Variants in MFHAS1 observed in about 807,000 individuals in gnomAD.
MFHAS1 encodes the protein multifunctional ROCO family signaling regulator 1.
In MFHAS1, 50 loss-of-function variants were observed where a neutral mutation model predicts 70.4. The ratio of observed to expected loss-of-function variants is 0.71; its 90% CI spans 0.57 to 0.90. The LOEUF is 0.90. Among genes scored for constraint, MFHAS1 ranks in the 40% least tolerant of loss-of-function variants. The probability of loss-of-function intolerance (pLI) is 0.00; values close to 1 mark genes in which losing one functional copy is unlikely to be tolerated. For missense variants in MFHAS1, 1,795 were observed against 1,347.6 expected (o/e 1.33, Z -5.20); for synonymous variants, 952 against 620.0 (o/e 1.54, Z -7.96).
At position 8,890,961 on chromosome 8, in the gene MFHAS1, G is replaced by A; in HGVS notation, c.2098C>T (p.Leu700=). The part of the protein sequence containing the change: ...GLQAGLTEDR[L]QSALSYLHES... ...TGCAGGTAGGAGAGGGCACTCTGCA[G>A]TCGGTCCTCGGTCAGACCCGCCTGC... Residue 700 remains leucine, a synonymous_variant, in exon 1 of 3, where the codon CTG becomes TTG. Transcript: ENST00000276282. 6.2e-7 allele frequency: 1 copy of A among 1,613,934 alleles called. No individual in the cohort carries two copies. Among genetic ancestry groups the A allele is most frequent in the Non-Finnish European group, 8.5e-7 (1 of 1,180,002 alleles).
rs1474477127 is a variant in MFHAS1, at chr8:8,891,170, C to T, written c.1889G>A (p.Arg630Lys). The T allele has an allele frequency of 6.2e-7, 1 of 1,613,328 alleles. No individual in the cohort carries two copies. The highest frequency in any genetic ancestry group is 2.2e-5 in the East Asian group (1 of 44,898). Residue 630 changes from arginine to lysine, a missense_variant, in exon 1 of 3, where the codon AGG (arginine) becomes AAG (lysine). Transcript: ENST00000276282. The surrounding 1 kb of genome is among the most constrained non-coding windows in gnomAD (Gnocchi z 5.4). ...ILSPVLPVSCRDPRHLRRLRD... is the reference protein window; with the variant it reads ...ILSPVLPVSCKDPRHLRRLRD... Reference sequence around the variant, plus strand: ...AAGGCGTCGTAAGTGGCGCGGGTCCCTGCAGCTAACAGGCAACACGGGGGA... The same window carrying T: ...AAGGCGTCGTAAGTGGCGCGGGTCCTTGCAGCTAACAGGCAACACGGGGGA...
At chr8:8,794,949 G>A (rs1805841960) in intron 2 of MFHAS1, among the ~76,000 whole-genome samples, 1 of 152,206 alleles carries the variant, frequency 6.6e-6, no homozygotes, top group African/African-American at 2.4e-5. Flanking sequence ...TTCTGCGGCA[G>A]TACAAGAAGC....
chr8:8,884,900 C>T (rs144094022), intron 1 of MFHAS1, among the ~76,000 whole-genome samples: 1 of 152,046 alleles, frequency 6.6e-6, no homozygotes, highest in Non-Finnish European at 1.5e-5. Context: ...CTGCAGTAAG[C>T]CATTATTGCC....
chr8:8,817,151 G>C (rs1224306106), intron 1 of MFHAS1, among the ~76,000 whole-genome samples: 1 of 151,876 alleles, frequency 6.6e-6, no homozygotes, highest in Non-Finnish European at 1.5e-5. Flanking sequence ...TAGCTCCAAA[G>C]AGCACCATCC....
intron 1 of MFHAS1, among the ~76,000 whole-genome samples, chr8:8,841,574 G>A (rs1275395460): frequency 6.6e-6 from 1 of 152,180 alleles, no homozygotes; most frequent in Non-Finnish European, 1.5e-5. Flanking sequence ...AAGAGGCCTT[G>A]TGAGCTGACA....
chr8:8,889,194 A>C (rs1421941934), intron 1 of MFHAS1, among the ~76,000 whole-genome samples: 2 of 152,174 alleles, frequency 1.3e-5, no homozygotes, highest in Non-Finnish European at 2.9e-5. Flanking sequence ...GCACTGCCAG[A>C]AAGCTTCATT....
intron 1 of MFHAS1, among the ~76,000 whole-genome samples, chr8:8,862,080 T>C (rs943053529): frequency 6.6e-6 from 1 of 152,250 alleles, no homozygotes; most frequent in African/African-American, 2.4e-5. Context: ...CTAGTAAACA[T>C]GTGTTTAACT....
intron 1 of MFHAS1, among the ~76,000 whole-genome samples, chr8:8,871,263 C>A (rs949211795): frequency 2.0e-5 from 3 of 152,152 alleles, no homozygotes; most frequent in African/African-American, 4.8e-5. Flanking sequence ...GTAAAAACTA[C>A]TTGCAGCTGG....
intron 1 of MFHAS1, among the ~76,000 whole-genome samples, chr8:8,855,002 TG>T (rs1156657468): frequency 6.6e-6 from 1 of 152,132 alleles, no homozygotes; most frequent in Non-Finnish European, 1.5e-5. Context: ...CTCCATCTCC[TG>T]GGCTCAAGTG....
At chr8:8,866,703 C>T (rs1423418664) in intron 1 of MFHAS1, among the ~76,000 whole-genome samples, 3 of 152,170 alleles carry the variant, frequency 2.0e-5, no homozygotes, top group Non-Finnish European at 4.4e-5. Flanking sequence ...GTCTCTTACA[C>T]ATTCTCATAA....
Position 8,785,809 on chromosome 8 carries a change from T to C in MFHAS1, c.*213A>G, listed in dbSNP as rs1033759487. 15 of 530,850 alleles carry C rather than the reference T, an allele frequency of 2.8e-5. No homozygotes were observed. The highest frequency in any genetic ancestry group is 2.1e-4 in the African/African-American group (11 of 52,520). The allele number at this position is 530,850 out of a possible 1,614,324, so 32.9% of individuals were successfully genotyped here. A position where few individuals can be genotyped will look rare whatever the true frequency, so the allele number is the denominator to read the frequency against. ...GATCACAGTTCTGAGGTTCAGGTTGTAAAACATTTGCTCCATGTTCTCGTC... is the reference window on the plus strand; with the variant it reads ...GATCACAGTTCTGAGGTTCAGGTTGCAAAACATTTGCTCCATGTTCTCGTC... On this transcript the variant is annotated 3_prime_UTR_variant, in exon 3 of 3. Transcript: ENST00000276282.
At chr8:8,837,327 G>A (rs1807633986) in intron 1 of MFHAS1, among the ~76,000 whole-genome samples, 1 of 152,118 alleles carries the variant, frequency 6.6e-6, no homozygotes, top group South Asian at 2.1e-4. Context: ...TTTCTCCAAA[G>A]AAGAACATCC....
Position 8,890,142 on chromosome 8 carries a change from A to G in MFHAS1, c.2917T>C (p.Trp973Arg). The G allele has an allele frequency of 1.2e-6, 2 of 1,614,224 alleles. No homozygotes were observed. The highest frequency in any genetic ancestry group is 1.7e-6 in the Non-Finnish European group (2 of 1,180,044). Residue 973 changes from tryptophan (W) to arginine (R), a missense_variant, in exon 1 of 3, where the codon TGG becomes CGG. Physicochemically the swap from Trp to Arg is moderately radical, Grantham distance 101. Transcript: ENST00000276282. ...TGCACGGTGTAGTGCAGTCCAGGCC[A>G]TTCCTGAAGTAGGACATTCAGTTCC... ...VEELNVLLQEWPGLHYTVHIL... is the reference protein window; with the variant it reads ...VEELNVLLQERPGLHYTVHIL...
chr8:8,806,732 T>A (rs1427124465), intron 1 of MFHAS1, among the ~76,000 whole-genome samples: 1 of 152,088 alleles, frequency 6.6e-6, no homozygotes, highest in Non-Finnish European at 1.5e-5. Flanking sequence ...AGGCCAAGGC[T>A]GGCAGATCAC....
At chr8:8,816,537 A>G (rs1806752400) in intron 1 of MFHAS1, among the ~76,000 whole-genome samples, 1 of 152,226 alleles carries the variant, frequency 6.6e-6, no homozygotes, top group Non-Finnish European at 1.5e-5. Flanking sequence ...ATGCCATATA[A>G]GCGTGCATCG....
chr8:8,784,268 TCA>T lies in MFHAS1; in HGVS notation c.*1752_*1753del, dbSNP rs1805457491. ...CCAAAAAGCAATTAAATGTGACCAT[TCA>T]GTTTTACACACATGCACACACACAC... On this transcript the variant is annotated 3_prime_UTR_variant, in exon 3 of 3. Coordinates refer to ENST00000276282, the MANE Select transcript of MFHAS1 (RefSeq NM_004225.3). 1 of 107,066 alleles carries T rather than the reference TCA, an allele frequency of 9.3e-6. No individual in the cohort carries two copies. Among genetic ancestry groups the T allele is most frequent in the Admixed American group, 9.1e-5 (1 of 11,048 alleles). 6.6% of individuals were successfully genotyped at this position (107,066 alleles called of 1,614,324 possible).
chr8:8,798,845 G>C (rs368736724), intron 1 of MFHAS1, among the ~76,000 whole-genome samples: 1 of 151,936 alleles, frequency 6.6e-6, no homozygotes, highest in Admixed American at 6.6e-5. Context: ...TCAGGAGTTC[G>C]AGACCAGCCT....
At chr8:8,848,881 G>C (rs1226576127) in intron 1 of MFHAS1, among the ~76,000 whole-genome samples, 1 of 152,094 alleles carries the variant, frequency 6.6e-6, no homozygotes, top group Non-Finnish European at 1.5e-5. Context: ...TTAAAAACTG[G>C]TTAAATCAAG....
chr8:8,807,106 C>T (rs1476689408), intron 1 of MFHAS1, among the ~76,000 whole-genome samples: 4 of 152,178 alleles, frequency 2.6e-5, no homozygotes, highest in South Asian at 4.2e-4. Context: ...CTGAGCGGCC[C>T]CTGAAGTAAG....
Sources: allele counts gnomAD v4.1 joint callset (sites outside exome capture counted in the v4.1 genomes callset), GRCh38; gene constraint gnomAD v4.1.1; non-coding constraint Gnocchi (gnomAD v3.1); transcripts MANE v1.5; gene names NCBI Gene and HGNC (gene_info 2026-07-23, HGNC 2026-07-21).